The following NREP variants were observed in gnomAD, a reference collection of about 807,000 sequenced individuals.
NREP encodes neuronal regeneration related protein.
NREP carries 5 observed loss-of-function variants against 8.6 expected under a neutral mutation model. That is an observed-to-expected ratio of 0.58 (90% CI 0.30 to 1.22). The LOEUF (loss-of-function observed/expected upper bound fraction) is 1.22, where lower values mean the gene tolerates loss of function less well. NREP is among the 50% of genes most tolerant of loss of function. NREP has a pLI of 0.07. For missense variants in NREP, 86 were observed against 82.5 expected (o/e 1.04, Z -0.17); for synonymous variants, 27 against 28.0 (o/e 0.96, Z 0.11).
chr5:111,796,484 C>G (rs1195238813), intron 2 of NREP, among the ~76,000 whole-genome samples: 1 of 152,138 alleles, frequency 6.6e-6, no homozygotes, highest in Non-Finnish European at 1.5e-5. Flanking sequence ...ATTGGCATCC[C>G]AAAGTCTCTA....
At chr5:111,964,039 T>G (rs1185631194) in intron 2 of NREP, among the ~76,000 whole-genome samples, 1 of 152,208 alleles carries the variant, frequency 6.6e-6, no homozygotes, top group Admixed American at 6.5e-5. Context: ...ATGAGAATAT[T>G]GTTAGTCCCA....
chr5:111,944,086 G>A (rs1437862697), intron 2 of NREP, among the ~76,000 whole-genome samples: 1 of 151,984 alleles, frequency 6.6e-6, no homozygotes, highest in Non-Finnish European at 1.5e-5. Flanking sequence ...AGATATCAGT[G>A]AAGTTTTATT....
intron 2 of NREP, among the ~76,000 whole-genome samples, chr5:111,934,598 A>C (rs933923572): frequency 5.3e-5 from 8 of 152,084 alleles, no homozygotes; most frequent in African/African-American, 1.9e-4. Context: ...CCTGGAGTTA[A>C]ACATGAGCTG....
chr5:111,803,421 G>C (rs1486864890), intron 2 of NREP, among the ~76,000 whole-genome samples: 1 of 152,170 alleles, frequency 6.6e-6, no homozygotes. Flanking sequence ...ACATTCACTA[G>C]ACAGCAAGTT....
chr5:111,897,628 T>C (rs1265239727), intron 2 of NREP, among the ~76,000 whole-genome samples: 1 of 152,148 alleles, frequency 6.6e-6, no homozygotes, highest in African/African-American at 2.4e-5. Context: ...TCCCTGATTA[T>C]TTCAATCCTA....
intron 2 of NREP, among the ~76,000 whole-genome samples, chr5:111,795,278 T>C (rs1468290209): frequency 1.3e-5 from 2 of 152,192 alleles, no homozygotes; most frequent in Non-Finnish European, 2.9e-5. Flanking sequence ...ACTGGCTGCC[T>C]CAGGTGTATA....
At chr5:111,952,760 C>G (rs1401955539) in intron 2 of NREP, among the ~76,000 whole-genome samples, 1 of 152,078 alleles carries the variant, frequency 6.6e-6, no homozygotes, top group Non-Finnish European at 1.5e-5. Context: ...CAATGTCAAT[C>G]TCTTGATTGT....
chr5:111,904,001 A>G (rs1754715409), intron 2 of NREP, among the ~76,000 whole-genome samples: 1 of 152,154 alleles, frequency 6.6e-6, no homozygotes, highest in East Asian at 1.9e-4. Context: ...AATTATTTTT[A>G]CATAGAACAT....
chr5:111,820,013 C>T (rs13168487), intron 2 of NREP, among the ~76,000 whole-genome samples: 24,887 of 152,038 alleles, frequency 0.16, 2,558 homozygotes, highest in Non-Finnish European at 0.22. Context: ...AAACTTTAGT[C>T]AGATTTTTGA....
At chr5:111,757,088 A>T (rs1750761221) in intron 1 of NREP, 48 bp downstream of exon 1, 1 of 503,284 alleles carries the variant, frequency 2.0e-6, no homozygotes, top group Non-Finnish European at 2.6e-6. Flanking sequence ...ATCGACACAA[A>T]AGAGAAACCA....
At chr5:111,869,070 G>A (rs758543560) in intron 2 of NREP, among the ~76,000 whole-genome samples, 7 of 152,164 alleles carry the variant, frequency 4.6e-5, no homozygotes, top group African/African-American at 1.4e-4. Flanking sequence ...TAAGAAATAC[G>A]TGGGAGCCAC....
intron 2 of NREP, among the ~76,000 whole-genome samples, chr5:111,903,344 C>T (rs960777012): frequency 6.6e-6 from 1 of 152,056 alleles, no homozygotes; most frequent in African/African-American, 2.4e-5. Context: ...CTTGGCCTCC[C>T]AAAGTGCTGG....
intron 2 of NREP, among the ~76,000 whole-genome samples, chr5:111,763,244 A>G (rs1751006001): frequency 6.6e-6 from 1 of 152,230 alleles, no homozygotes; most frequent in Non-Finnish European, 1.5e-5. Context: ...TCAGGAACTC[A>G]GCCATTGACA....
intron 2 of NREP, among the ~76,000 whole-genome samples, chr5:111,916,449 C>T (rs1755061519): frequency 6.6e-6 from 1 of 152,118 alleles, no homozygotes; most frequent in African/African-American, 2.4e-5. Context: ...GTGGCAGCCA[C>T]AGTAGACCTT....
chr5:111,795,768 T>G (rs1228144744), intron 2 of NREP, among the ~76,000 whole-genome samples: 1 of 152,196 alleles, frequency 6.6e-6, no homozygotes, highest in African/African-American at 2.4e-5. Flanking sequence ...CAAAAGTATA[T>G]AAAAGACAGA....
At chr5:111,934,217 G>A (rs901075949) in intron 2 of NREP, among the ~76,000 whole-genome samples, 2 of 152,058 alleles carry the variant, frequency 1.3e-5, no homozygotes, top group Non-Finnish European at 2.9e-5. Flanking sequence ...CCAGGTGAGA[G>A]AGAGTTCCAT....
chr5:111,878,747 C>G (rs148584377), intron 2 of NREP, among the ~76,000 whole-genome samples: 1 of 152,154 alleles, frequency 6.6e-6, no homozygotes, highest in East Asian at 1.9e-4. Flanking sequence ...CCCCCACCCC[C>G]CTGCCACTTG....
chr5:111,911,633 G>A (rs1754914563), intron 2 of NREP, among the ~76,000 whole-genome samples: 1 of 152,016 alleles, frequency 6.6e-6, no homozygotes, highest in South Asian at 2.1e-4. Context: ...AAAAGGAGAT[G>A]TCAAAGAAAT....
intron 2 of NREP, among the ~76,000 whole-genome samples, chr5:111,917,892 TC>T (rs2112573987): frequency 6.6e-6 from 1 of 152,236 alleles, no homozygotes; most frequent in African/African-American, 2.4e-5. Flanking sequence ...TAAAAGGTAT[TC>T]AGTTAGGAAA....
Sources: gnomAD v4.1 joint callset for allele counts (sites outside exome capture counted in the v4.1 genomes callset) on GRCh38, gnomAD v4.1.1 for gene constraint, MANE v1.5 for transcripts, NCBI Gene and HGNC (gene_info 2026-07-23, HGNC 2026-07-21) for gene names.